ELAVL1: variants seen among roughly 807,000 people sequenced by gnomAD.
The protein encoded by ELAVL1 is ELAV like RNA binding protein 1.
Under a neutral mutation model 28.4 loss-of-function variants are expected in ELAVL1, and 1 was observed. The ratio of observed to expected loss-of-function variants is 0.04; its 90% CI spans 0.01 to 0.17. ELAVL1 has a LOEUF of 0.17. Ranked by LOEUF, ELAVL1 falls within the 10% of genes least tolerant of loss-of-function variation. ELAVL1 has a pLI of 1.00. For missense variants in ELAVL1, 157 were observed against 447.2 expected (o/e 0.35, Z 5.85); for synonymous variants, 174 against 183.5 (o/e 0.95, Z 0.42).
chr19:8,001,616 G>C (rs897060148), intron 1 of ELAVL1, among the ~76,000 whole-genome samples: 1 of 151,094 alleles, frequency 6.6e-6, no homozygotes, highest in African/African-American at 2.4e-5. Flanking sequence ...TGACATAAAC[G>C]TCTCACTCTT....
intron 3 of ELAVL1, 121 bp downstream of exon 3, chr19:7,980,962 G>A: frequency 3.2e-6 from 3 of 948,480 alleles, no homozygotes; most frequent in Non-Finnish European, 3.3e-6. Context: ...TATCTGATGG[G>A]AGCCCCCGAG....
intron 2 of ELAVL1, among the ~76,000 whole-genome samples, chr19:7,990,876 C>G (rs1317959028): frequency 1.3e-5 from 2 of 152,176 alleles, no homozygotes; most frequent in African/African-American, 4.8e-5. Context: ...GTCCGTAATT[C>G]TCTCCCGAGT....
chr19:7,998,225 C>T (rs1174555064), intron 1 of ELAVL1, among the ~76,000 whole-genome samples: 1 of 152,192 alleles, frequency 6.6e-6, no homozygotes, highest in African/African-American at 2.4e-5. Flanking sequence ...CAGCTTCTAT[C>T]CCACAAGCTC....
At position 7,991,878 on chromosome 19, in the gene ELAVL1, G is replaced by C. The variant is rs529043187; in HGVS notation, c.-16-47C>G. The C allele has an allele frequency of 5.2e-5, 74 of 1,434,234 alleles. 2 individuals are homozygous for C. In the South Asian group the frequency reaches 1.0e-3, roughly 20 times the overall value. 88.8% of individuals were successfully genotyped at this position (1,434,234 alleles called of 1,614,324 possible). A position where few individuals can be genotyped will look rare whatever the true frequency, so the allele number is the denominator to read the frequency against. On this transcript the variant is annotated intron_variant, in intron 1 of 5. Coordinates refer to ENST00000407627, the MANE Select transcript of ELAVL1 (RefSeq NM_001419.3). Reference sequence around the variant, plus strand: ...GTAAATTCAAAATGTTCATATTGCAGTATATGAAGGCAAAACTAGTAACTG... The same window carrying C: ...GTAAATTCAAAATGTTCATATTGCACTATATGAAGGCAAAACTAGTAACTG...
chr19:8,001,445 G>A (rs988807311), intron 1 of ELAVL1, among the ~76,000 whole-genome samples: 1 of 151,964 alleles, frequency 6.6e-6, no homozygotes, highest in African/African-American at 2.4e-5. Context: ...CTGCTAGACC[G>A]ACTCCTAAGT....
In ELAVL1 at chr19:7,981,415, C is replaced by T. The variant is rs537364840; in HGVS notation, c.173-229G>A. On this transcript the variant is annotated intron_variant, in intron 2 of 5. Coordinates refer to ENST00000407627, the MANE Select transcript of ELAVL1 (RefSeq NM_001419.3). This position sits in a 1 kb window ranked among gnomAD's most constrained non-coding sequence, Gnocchi z 4.2. ...CTCTGTCACCCAGGGTGGAGTCCAG[C>T]GCTGTGATCACAGCTCACCGCCACC... Among the ~76,000 whole-genome samples the T allele has an allele frequency of 6.6e-6, 1 of 150,686 alleles. No homozygotes were observed. Among genetic ancestry groups the T allele is most frequent in the South Asian group, 2.1e-4 (1 of 4,772 alleles).
intron 1 of ELAVL1, among the ~76,000 whole-genome samples, chr19:8,002,500 C>T (rs981117958): frequency 2.6e-5 from 4 of 152,256 alleles, no homozygotes; most frequent in African/African-American, 9.6e-5. Flanking sequence ...CACAGGCTGG[C>T]TTCCGTTGGT....
At chr19:7,972,306 T>C (rs1985137438) in intron 4 of ELAVL1, among the ~76,000 whole-genome samples, 1 of 152,224 alleles carries the variant, frequency 6.6e-6, no homozygotes, top group Non-Finnish European at 1.5e-5. Flanking sequence ...CACTAGTTCC[T>C]AGCCTAGTGC....
At chr19:7,980,199 C>T (rs547476830) in intron 3 of ELAVL1, among the ~76,000 whole-genome samples, 16 of 152,056 alleles carry the variant, frequency 1.1e-4, no homozygotes, top group Admixed American at 2.0e-4. Flanking sequence ...CTTGTGAAGG[C>T]GGGCACTGAG....
At chr19:8,003,649 A>ATG (rs2081076845) in intron 1 of ELAVL1, among the ~76,000 whole-genome samples, 1 of 145,908 alleles carries the variant, frequency 6.9e-6, no homozygotes, top group Non-Finnish European at 1.5e-5. Context: ...CCGAGATCGC[A>ATG]CCACTGCACT....
intron 3 of ELAVL1, among the ~76,000 whole-genome samples, chr19:7,980,853 G>A (rs1985442006): frequency 1.3e-5 from 2 of 152,300 alleles, no homozygotes; most frequent in African/African-American, 4.8e-5. Context: ...AGAGACGACA[G>A]GGGAGGCCTG....
intron 1 of ELAVL1, among the ~76,000 whole-genome samples, chr19:7,993,121 A>G (rs373872777): frequency 1.4e-4 from 22 of 152,356 alleles, no homozygotes; most frequent in African/African-American, 5.1e-4. Flanking sequence ...GTAATGCTAC[A>G]GAACGAGTGT....
chr19:8,003,375 G>GAAAAAAAAA (rs2081075376), intron 1 of ELAVL1, among the ~76,000 whole-genome samples: 1 of 59,898 alleles, frequency 1.7e-5, no homozygotes, highest in East Asian at 5.1e-4. Flanking sequence ...AAAAAAAAAA[G>GAAAAAAAAA]AAAAAGAAAA....
At position 7,963,359 on chromosome 19, in the gene ELAVL1, TTC is replaced by T; in HGVS notation, c.*122_*123del. ...TCCCAGAGTATAAAAACCTTCTCAC[TTC>T]TCATTCAGACAAAGACAAACACTTG... On this transcript the variant is annotated 3_prime_UTR_variant, in exon 6 of 6. Coordinates refer to ENST00000407627, the MANE Select transcript of ELAVL1 (RefSeq NM_001419.3). This position sits in a 1 kb window ranked among gnomAD's most constrained non-coding sequence, Gnocchi z 4.5. The T allele has an allele frequency of 3.4e-6, 4 of 1,180,066 alleles. No homozygotes were observed. Among genetic ancestry groups the T allele is most frequent in the Non-Finnish European group, 4.7e-6 (4 of 847,960 alleles). 73.1% of individuals were successfully genotyped at this position (1,180,066 alleles called of 1,614,324 possible).
chr19:7,977,631 T>A (rs868073110), intron 3 of ELAVL1, among the ~76,000 whole-genome samples: 2 of 152,202 alleles, frequency 1.3e-5, no homozygotes, highest in African/African-American at 4.8e-5. Context: ...CCTGGGCTGC[T>A]ACTATGGGAA....
chr19:7,973,913 G>A (rs1372451438), intron 3 of ELAVL1, 35 bp from the exon 4 acceptor site: 3 of 1,609,814 alleles, frequency 1.9e-6, no homozygotes, highest in Non-Finnish European at 2.5e-6. Flanking sequence ...GATTAGTACA[G>A]GCACGTGGCC....
At position 7,993,391 on chromosome 19, in the gene ELAVL1, T is replaced by A. The variant is rs1365110699; in HGVS notation, c.-16-1560A>T. ...GACACCCTGCTGCTGAGGGGGCAGG[T>A]AGGCAATGGTCCTCTGCACCTGTTT... On this transcript the variant is annotated intron_variant, in intron 1 of 5. Transcript: ENST00000407627. Among the ~76,000 whole-genome samples the A allele has an allele frequency of 2.0e-5, 3 of 152,274 alleles. No individual in the cohort carries two copies. The East Asian group carries it at 5.8e-4, about 29-fold the overall frequency.
intron 3 of ELAVL1, among the ~76,000 whole-genome samples, chr19:7,976,886 C>T (rs985023801): frequency 1.0e-4 from 15 of 147,630 alleles, no homozygotes; most frequent in African/African-American, 3.8e-4. Flanking sequence ...CAGGGTCTTG[C>T]TATGTTGCTC....
At chr19:7,998,176 G>A (rs991333334) in intron 1 of ELAVL1, among the ~76,000 whole-genome samples, 10 of 152,038 alleles carry the variant, frequency 6.6e-5, no homozygotes, top group African/African-American at 1.9e-4. Context: ...CCCTTCCCTT[G>A]ACCTTCTCCA....
Sources: gnomAD v4.1 joint callset for allele counts (sites outside exome capture counted in the v4.1 genomes callset) on GRCh38, gnomAD v4.1.1 for gene constraint, Gnocchi (gnomAD v3.1) non-coding constraint, MANE v1.5 for transcripts, NCBI Gene and HGNC (gene_info 2026-07-23, HGNC 2026-07-21) for gene names.